The following TMEM86B variants were observed in gnomAD, a reference collection of about 807,000 sequenced individuals.
The protein encoded by TMEM86B is lysoplasmalogenase TMEM86B.
Under a neutral mutation model 12.3 loss-of-function variants are expected in TMEM86B, and 15 were observed. The ratio of observed to expected loss-of-function variants is 1.22; its 90% CI spans 0.81 to 1.87. The LOEUF is 1.87. Ranked by LOEUF, TMEM86B falls within the 40% of genes most tolerant of loss-of-function variation. The pLI, the probability that TMEM86B is intolerant of heterozygous loss-of-function variation, is 0.00. For synonymous variants in TMEM86B, 173 were observed against 140.3 expected, an observed-to-expected ratio of 1.23 and a Z score of -1.65; for missense variants, 328 against 297.4, an observed-to-expected ratio of 1.10 and a Z score of -0.76.
intron 2 of TMEM86B, chr19:55,227,893 C>T: frequency 1.7e-6 from 1 of 604,460 alleles, no homozygotes; most frequent in Non-Finnish European, 2.9e-6. Context: ...AGGCATACAG[C>T]CCTTCAGCTC....
chr19:55,227,638 TAAGAG>T, intron 2 of TMEM86B, 75 bp from the exon 3 acceptor site: 1 of 1,446,054 alleles, frequency 6.9e-7, no homozygotes, highest in Non-Finnish European at 9.1e-7. Context: ...CCTCAGGGCC[TAAGAG>T]AAGGACCATC....
rs551154302 is a variant in TMEM86B, at chr19:55,226,888, G to C, written c.*293C>G. 3.1e-6 allele frequency: 1 copy of C among 322,812 alleles called. No homozygotes were observed. The highest frequency in any genetic ancestry group is 2.1e-5 in the African/African-American group (1 of 46,834). The allele number at this position is 322,812 out of a possible 1,614,324, so 20.0% of individuals were successfully genotyped here. A position where few individuals can be genotyped will look rare whatever the true frequency, so the allele number is the denominator to read the frequency against. On this transcript the variant is annotated 3_prime_UTR_variant, in exon 3 of 3. Transcript: ENST00000327042. ...CAGGGGGCGGGCAGGCTGTGGGGCC[G>C]ACAGTGAACATGGAGGCAGGCTGGT...
intron 2 of TMEM86B, chr19:55,227,867 C>T (rs1221593963): frequency 6.8e-6 from 4 of 587,434 alleles, no homozygotes; most frequent in Admixed American, 3.3e-5. Flanking sequence ...CCTTTACACT[C>T]GCCCTTCCTC....
rs2087286612 is a variant in TMEM86B at position 55,226,945 on chromosome 19, G to A, written c.*236C>T. On this transcript the variant is annotated 3_prime_UTR_variant, in exon 3 of 3. Coordinates refer to ENST00000327042, the MANE Select transcript of TMEM86B (RefSeq NM_173804.5). ...GAGGGCTCCATGTGGGCCTGGCTGA[G>A]GAGCCAGGGATCTGGAGTCAGAACC... 4 of 410,112 alleles carry A rather than the reference G, an allele frequency of 9.8e-6. No individual in the cohort carries two copies. Among genetic ancestry groups the A allele is most frequent in the Non-Finnish European group, 1.3e-5 (3 of 238,156 alleles). 25.4% of individuals were successfully genotyped at this position (410,112 alleles called of 1,614,324 possible). A position where few individuals can be genotyped will look rare whatever the true frequency, so the allele number is the denominator to read the frequency against.
chr19:55,227,410 A>G lies in TMEM86B; in HGVS notation c.452T>C (p.Val151Ala). ...QHLEPDMVLP[V>A]AAYGLILMAM... ...CATCAGGATCAGCCCATAGGCTGCC[A>G]CCGGCAGGACCATATCCGGCTCGAG... Residue 151 changes from valine (V) to alanine (A), a missense_variant, in exon 3 of 3, where the codon GTG becomes GCG. Val to Ala is a moderately conservative substitution (Grantham distance 64). Transcript: ENST00000327042. The G allele has an allele frequency of 6.3e-7, 1 of 1,580,916 alleles. No individual in the cohort carries two copies. The highest frequency in any genetic ancestry group is 8.6e-7 in the Non-Finnish European group (1 of 1,163,444).
rs561251605 is a variant in TMEM86B, at chr19:55,227,986, C to T, written c.298+205G>A. 5 of 896,462 alleles carry T rather than the reference C, an allele frequency of 5.6e-6. No homozygotes were observed. In the African/African-American group the frequency reaches 8.4e-5, roughly 15 times the overall value. 55.5% of individuals were successfully genotyped at this position (896,462 alleles called of 1,614,324 possible). On this transcript the variant is annotated intron_variant, in intron 2 of 2. Transcript: ENST00000327042. The stretch of plus-strand genomic sequence containing the variant: ...GTACCTCCAGCAGGTCCTCACTGCC[C>T]TCTGCGCCACCTCAGCTACTGCCCT...
Position 55,228,428 on chromosome 19 carries a change from C to T in TMEM86B, c.61G>A (p.Val21Ile), listed in dbSNP as rs1392621483. 1.2e-6 allele frequency: 2 copies of T among 1,612,110 alleles called. No individual in the cohort carries two copies. The highest frequency in any genetic ancestry group is 8.5e-7 in the Non-Finnish European group (1 of 1,179,994). ...ATGAAGGGGCTCAGCCACCTGCAGA[C>T]ATCTGGGCGCTTTGGGGAGTGGGGA... Reference protein sequence around the residue: ...KTHCSAQRPDVCRWLSPFILS... With the variant: ...KTHCSAQRPDICRWLSPFILS... The change falls in exon 2 of 3, where the codon GTC (valine) becomes ATC (isoleucine). Residue 21 changes from valine (V) to isoleucine (I), a missense_variant. Transcript: ENST00000327042.
rs990485876 is a variant in TMEM86B, at chr19:55,227,570, G to T, written c.299-7C>A. The T allele has an allele frequency of 6.6e-7, 1 of 1,517,024 alleles. No individual in the cohort carries two copies. The highest frequency in any genetic ancestry group is 8.9e-7 in the Non-Finnish European group (1 of 1,127,562). The allele number at this position is 1,517,024 out of a possible 1,614,324, so 94.0% of individuals were successfully genotyped here. ...GTGGCAAAGGCGGCCATGCCTGGCGGGAGAGGGGTGGGGTACCAGTGAGGA... is the reference window on the plus strand; with the variant it reads ...GTGGCAAAGGCGGCCATGCCTGGCGTGAGAGGGGTGGGGTACCAGTGAGGA... On this transcript the variant is annotated splice_polypyrimidine_tract_variant and splice_region_variant and intron_variant, in intron 2 of 2. Coordinates refer to ENST00000327042, the MANE Select transcript of TMEM86B (RefSeq NM_173804.5).
chr19:55,228,368 G>A lies in TMEM86B; in HGVS notation c.121C>T (p.Pro41Ser), dbSNP rs2087304883. 6.2e-7 allele frequency: 1 copy of A among 1,613,930 alleles called. No individual in the cohort carries two copies. Among genetic ancestry groups the A allele is most frequent in the Non-Finnish European group, 8.5e-7 (1 of 1,180,022 alleles). ...GCGAACCAGGACAGCTGGTCCTCGG[G>A]AATCCAGAGGCAGAAGTACACGCAG... The part of the protein sequence containing the change: ...SCCVYFCLWI[P>S]EDQLSWFAAL... Residue 41 changes from proline (P) to serine (S), a missense_variant, in exon 2 of 3, where the codon CCC becomes TCC. Transcript: ENST00000327042.
In TMEM86B at chr19:55,228,227, C is replaced by T; in HGVS notation, c.262G>A (p.Asp88Asn). The change falls in exon 2 of 3, where the codon GAC becomes AAC. Residue 88 changes from aspartate (D) to asparagine (N), a missense_variant. Asp to Asn is a conservative substitution (Grantham distance 23). Transcript: ENST00000327042. ...QGALVCSAVG[D>N]ACLIWPAAFV... ...GCTGCCGGCCAGATGAGGCAAGCGT[C>T]CCCCACAGCCGAGCACACAAGGGCT... 1 of 1,612,002 alleles carries T rather than the reference C, an allele frequency of 6.2e-7. No individual in the cohort carries two copies. Among genetic ancestry groups the T allele is most frequent in the Non-Finnish European group, 8.5e-7 (1 of 1,179,544 alleles).
Position 55,228,275 on chromosome 19 carries a change from C to A in TMEM86B, c.214G>T (p.Gly72Cys), listed in dbSNP as rs755916983. The A allele has an allele frequency of 6.2e-7, 1 of 1,613,146 alleles. No homozygotes were observed. Among genetic ancestry groups the A allele is most frequent in the Admixed American group, 1.7e-5 (1 of 59,882 alleles). The stretch of plus-strand genomic sequence containing the variant: ...GCTCCCTGGAGGAGCTGGGTGTAGC[C>A]CCCGCTTGGGGACATGACCCACAGG... ...GFLWVMSPSG[G>C]YTQLLQGALV... Residue 72 changes from glycine to cysteine, a missense_variant, in exon 2 of 3, where the codon GGC (glycine) becomes TGC (cysteine). Coordinates refer to ENST00000327042, the MANE Select transcript of TMEM86B (RefSeq NM_173804.5).
At chr19:55,228,055 G>A (rs754517585) in intron 2 of TMEM86B, 136 bp downstream of exon 2, 36 of 1,401,364 alleles carry the variant, frequency 2.6e-5, no homozygotes, top group African/African-American at 5.8e-5. Flanking sequence ...GAGCTGCCTC[G>A]GTCACGGCTG....
At position 55,227,048 on chromosome 19, in the gene TMEM86B, G is replaced by A. The variant is rs2087287610; in HGVS notation, c.*133C>T. 1.9e-6 allele frequency: 2 copies of A among 1,070,742 alleles called. No homozygotes were observed. The highest frequency in any genetic ancestry group is 1.2e-6 in the Non-Finnish European group (1 of 808,756). 66.3% of individuals were successfully genotyped at this position (1,070,742 alleles called of 1,614,324 possible). A position where few individuals can be genotyped will look rare whatever the true frequency, so the allele number is the denominator to read the frequency against. On this transcript the variant is annotated 3_prime_UTR_variant, in exon 3 of 3. Transcript: ENST00000327042. The stretch of plus-strand genomic sequence containing the variant: ...TCAAACGTCTTCAGCCAGAAGCGAC[G>A]GCGGCAGCGGCGCCTGCAGACAGGC...
At position 55,227,731 on chromosome 19, in the gene TMEM86B, G is replaced by C. The variant is rs997356669; in HGVS notation, c.299-168C>G. On this transcript the variant is annotated intron_variant, in intron 2 of 2. Transcript: ENST00000327042. Reference sequence around the variant, plus strand: ...GCAGTGTCCATCCTTGCTCTGCTCAGAACTGCCAGGAGGCCCCACCTTCCC... The same window carrying C: ...GCAGTGTCCATCCTTGCTCTGCTCACAACTGCCAGGAGGCCCCACCTTCCC... The C allele has an allele frequency of 2.9e-5, 28 of 951,394 alleles. No homozygotes were observed. The African/African-American group carries it at 3.3e-4, about 11-fold the overall frequency. 58.9% of individuals were successfully genotyped at this position (951,394 alleles called of 1,614,324 possible).
At chr19:55,228,509 T>C in intron 1 of TMEM86B, 72 bp from the exon 2 acceptor site, 2 of 1,581,936 alleles carry the variant, frequency 1.3e-6, no homozygotes, top group Admixed American at 3.5e-5. Context: ...ATCTCATGGC[T>C]CCTGTCCCAC....
Position 55,228,358 on chromosome 19 carries a change from T to G in TMEM86B, c.131A>C (p.Gln44Pro). 1 of 1,613,886 alleles carries G rather than the reference T, an allele frequency of 6.2e-7. No homozygotes were observed. Among genetic ancestry groups the G allele is most frequent in the Non-Finnish European group, 8.5e-7 (1 of 1,180,008 alleles). ...VYFCLWIPED[Q>P]LSWFAALVKC... ...GACCAGGGCAGCGAACCAGGACAGC[T>G]GGTCCTCGGGAATCCAGAGGCAGAA... The change falls in exon 2 of 3, where the codon CAG becomes CCG. Residue 44 changes from glutamine (Q) to proline (P), a missense_variant. By Grantham distance (76) the Gln-to-Pro change is moderately conservative (BLOSUM62 -1). Coordinates refer to ENST00000327042, the MANE Select transcript of TMEM86B (RefSeq NM_173804.5).
In TMEM86B at chr19:55,228,437, G is replaced by A. The variant is rs139225645; in HGVS notation, c.52C>T (p.Arg18Cys). 2.2e-5 allele frequency: 36 copies of A among 1,610,956 alleles called. No individual in the cohort carries two copies. The highest frequency in any genetic ancestry group is 5.0e-5 in the Admixed American group (3 of 59,988). ...QTLKTHCSAQ[R>C]PDVCRWLSPF... is the part of the protein sequence containing the mutation. ...CTCAGCCACCTGCAGACATCTGGGC[G>A]CTTTGGGGAGTGGGGAGCTACTGAG... Residue 18 changes from arginine (R) to cysteine (C), a missense_variant and splice_region_variant, in exon 2 of 3, where the codon CGC (arginine) becomes TGC (cysteine). Coordinates refer to ENST00000327042, the MANE Select transcript of TMEM86B (RefSeq NM_173804.5).
intron 2 of TMEM86B, 131 bp from the exon 3 acceptor site, chr19:55,227,694 G>C (rs1218851450): frequency 1.7e-6 from 2 of 1,211,326 alleles, no homozygotes; most frequent in African/African-American, 1.5e-5. Flanking sequence ...CTCCTTGCAG[G>C]TCTCCCCACA....
Position 55,227,678 on chromosome 19 carries a change from C to T in TMEM86B, c.299-115G>A. On this transcript the variant is annotated intron_variant, in intron 2 of 2. Transcript: ENST00000327042. Reference sequence around the variant, plus strand: ...CCCAGAGCACCAGGCCCCACCCTGGCCGAGCCTCCTTGCAGGTCTCCCCAC... The same window carrying T: ...CCCAGAGCACCAGGCCCCACCCTGGTCGAGCCTCCTTGCAGGTCTCCCCAC... The T allele has an allele frequency of 5.9e-6, 8 of 1,344,740 alleles. No homozygotes were observed. In the South Asian group the frequency reaches 1.2e-4, roughly 21 times the overall value. The allele number at this position is 1,344,740 out of a possible 1,614,324, so 83.3% of individuals were successfully genotyped here.
Sources: allele counts gnomAD v4.1 joint callset, GRCh38; gene constraint gnomAD v4.1.1; transcripts MANE v1.5; gene names NCBI Gene and HGNC (gene_info 2026-07-23, HGNC 2026-07-21).